Variants in LRMDA observed in about 807,000 individuals in gnomAD.
The protein encoded by LRMDA is leucine rich melanocyte differentiation associated, also known as leucine-rich melanocyte differentiation-associated protein.
Under a neutral mutation model 29.8 loss-of-function variants are expected in LRMDA, and 18 were observed. The ratio of observed to expected loss-of-function variants is 0.60; its 90% CI spans 0.42 to 0.90. The LOEUF (loss-of-function observed/expected upper bound fraction) is 0.90, where lower values mean the gene tolerates loss of function less well. LRMDA is among the 40% of genes least tolerant of loss of function. LRMDA has a pLI of 0.00. For missense variants in LRMDA, 273 were observed against 273.9 expected (o/e 1.00, Z 0.02); for synonymous variants, 125 against 109.4 (o/e 1.14, Z -0.89).
At chr10:76,018,813 G>A (rs1305648847) in intron 2 of LRMDA, among the ~76,000 whole-genome samples, 1 of 152,112 alleles carries the variant, frequency 6.6e-6, no homozygotes, top group Non-Finnish European at 1.5e-5. Context: ...TGATCCACCT[G>A]TCTTGGCCTC....
chr10:75,930,830 T>C (rs1846193886), intron 2 of LRMDA, among the ~76,000 whole-genome samples: 1 of 152,184 alleles, frequency 6.6e-6, no homozygotes, highest in African/African-American at 2.4e-5. Flanking sequence ...AATCCCCAAG[T>C]TGAGATTTGA....
At chr10:75,720,667 A>T (rs1842555552) in intron 2 of LRMDA, among the ~76,000 whole-genome samples, 1 of 152,236 alleles carries the variant, frequency 6.6e-6, no homozygotes, top group Non-Finnish European at 1.5e-5. Context: ...CGGTGATTAA[A>T]TATAGCATCT....
intron 2 of LRMDA, among the ~76,000 whole-genome samples, chr10:75,836,074 C>T (rs947828299): frequency 1.3e-5 from 2 of 151,974 alleles, no homozygotes; most frequent in Middle Eastern, 3.2e-3. Flanking sequence ...GGGTTCAGGG[C>T]GACTTAAATG....
At chr10:75,593,139 C>A (rs1840744579) in intron 2 of LRMDA, among the ~76,000 whole-genome samples, 1 of 152,152 alleles carries the variant, frequency 6.6e-6, no homozygotes, top group African/African-American at 2.4e-5. Context: ...TAAGTTAGCT[C>A]ATTCCCTCCC....
intron 2 of LRMDA, among the ~76,000 whole-genome samples, chr10:75,899,009 C>T (rs1845628804): frequency 6.6e-6 from 1 of 152,172 alleles, no homozygotes; most frequent in African/African-American, 2.4e-5. Flanking sequence ...TGCTCTATAC[C>T]TGGCCCTATG....
chr10:76,159,543 A>G (rs1248174708), intron 5 of LRMDA, among the ~76,000 whole-genome samples: 1 of 152,202 alleles, frequency 6.6e-6, no homozygotes, highest in Non-Finnish European at 1.5e-5. Flanking sequence ...ATTTACTCAA[A>G]TGAGTTGAAG....
rs1319910941 is a variant in LRMDA at position 76,363,235 on chromosome 10, G to GA, written c.601+38753dup. 3.6e-5 allele frequency among the ~76,000 whole-genome samples: 2 copies of GA among 55,888 alleles called. 1 individual carries two copies. The highest frequency in any genetic ancestry group is 8.1e-5 in the Non-Finnish European group (2 of 24,678). The allele number at this position is 55,888 out of a possible 152,430, so 36.7% of individuals were successfully genotyped here. A position where few individuals can be genotyped will look rare whatever the true frequency, so the allele number is the denominator to read the frequency against. ...GAAGGAAGAGAAAGAAAGAAAGAAA[G>GA]AAAGAAAGAAAGAAAGAAAGAAGGA... On this transcript the variant is annotated intron_variant, in intron 6 of 6. Transcript: ENST00000611255.
intron 6 of LRMDA, among the ~76,000 whole-genome samples, chr10:76,466,632 C>A (rs2132312981): frequency 6.6e-6 from 1 of 152,106 alleles, no homozygotes; most frequent in East Asian, 1.9e-4. Context: ...CCCTACTCTA[C>A]AAAAAGGACA....
chr10:75,909,164 G>A (rs1845804987), intron 2 of LRMDA, among the ~76,000 whole-genome samples: 1 of 152,156 alleles, frequency 6.6e-6, no homozygotes, highest in South Asian at 2.1e-4. Context: ...AGCTATACAA[G>A]TGAAAATATT....
At chr10:76,124,929 G>A (rs1195719489) in intron 5 of LRMDA, among the ~76,000 whole-genome samples, 1 of 152,190 alleles carries the variant, frequency 6.6e-6, no homozygotes, top group African/African-American at 2.4e-5. Flanking sequence ...CTCAAAAGCA[G>A]GGTTTGGGGG....
intron 5 of LRMDA, among the ~76,000 whole-genome samples, chr10:76,316,306 C>T (rs1187548074): frequency 6.6e-6 from 1 of 152,164 alleles, no homozygotes; most frequent in Non-Finnish European, 1.5e-5. Context: ...GACGCCTGGT[C>T]CAGATGCAGC....
At chr10:75,952,630 T>G (rs1039326832) in intron 2 of LRMDA, among the ~76,000 whole-genome samples, 25 of 152,234 alleles carry the variant, frequency 1.6e-4, no homozygotes, top group African/African-American at 5.5e-4. Context: ...TTTATAGCAA[T>G]TAAATTAGAA....
intron 2 of LRMDA, among the ~76,000 whole-genome samples, chr10:75,996,793 C>A (rs542916902): frequency 6.7e-6 from 1 of 148,324 alleles, no homozygotes; most frequent in South Asian, 2.1e-4. Flanking sequence ...AGTGCAGTGG[C>A]GTCATCTTGG....
intron 5 of LRMDA, among the ~76,000 whole-genome samples, chr10:76,136,882 G>A (rs1362037874): frequency 6.6e-6 from 1 of 152,202 alleles, no homozygotes; most frequent in Non-Finnish European, 1.5e-5. Flanking sequence ...TGTGGGTAAT[G>A]TTAAGGATAC....
chr10:75,833,039 G>C (rs1844373208), intron 2 of LRMDA, among the ~76,000 whole-genome samples: 1 of 152,074 alleles, frequency 6.6e-6, no homozygotes, highest in African/African-American at 2.4e-5. Context: ...GTTTTCTGTG[G>C]CTATCTCATT....
At chr10:75,655,897 TC>T (rs1338355546) in intron 2 of LRMDA, among the ~76,000 whole-genome samples, 2 of 152,110 alleles carry the variant, frequency 1.3e-5, no homozygotes, top group Admixed American at 1.3e-4. Flanking sequence ...ACATCCCTCA[TC>T]CCACTGTCTC....
Position 76,395,111 on chromosome 10 carries a change from A to G in LRMDA, c.601+70626A>G, listed in dbSNP as rs145419475. On this transcript the variant is annotated intron_variant, in intron 6 of 6. Coordinates refer to ENST00000611255, the MANE Select transcript of LRMDA (RefSeq NM_001305581.2). The stretch of plus-strand genomic sequence containing the variant: ...ACCTTGAAAAGGTGAATAGATACAC[A>G]CTGCTGAGATTAAATAAGGCACCAC... Among the ~76,000 whole-genome samples the G allele has an allele frequency of 9.5e-3, 1,450 of 152,270 alleles. 12 individuals carry two copies. The highest frequency in any genetic ancestry group is 0.024 in the Middle Eastern group (7 of 294).
intron 2 of LRMDA, among the ~76,000 whole-genome samples, chr10:75,816,904 A>G (rs574439579): frequency 2.0e-5 from 3 of 152,292 alleles, no homozygotes; most frequent in South Asian, 2.1e-4. Flanking sequence ...CTCTGCTGTC[A>G]TAGGTTCAAG....
intron 5 of LRMDA, among the ~76,000 whole-genome samples, chr10:76,147,503 A>C (rs1850350386): frequency 6.6e-6 from 1 of 151,952 alleles, no homozygotes; most frequent in East Asian, 1.9e-4. Flanking sequence ...TGCATTCGTC[A>C]CGTAGCTCTC....
Sources: gnomAD v4.1 joint callset for allele counts (sites outside exome capture counted in the v4.1 genomes callset) on GRCh38, gnomAD v4.1.1 for gene constraint, MANE v1.5 for transcripts, NCBI Gene and HGNC (gene_info 2026-07-23, HGNC 2026-07-21) for gene names.